NAV2: variants seen among roughly 807,000 people sequenced by gnomAD.
NAV2 encodes neuron navigator 2, also known as helicase, APC down-regulated 1.
In NAV2, 54 loss-of-function variants were observed where a neutral mutation model predicts 223.2. The ratio of observed to expected loss-of-function variants is 0.24; its 90% CI spans 0.19 to 0.30. NAV2 has a LOEUF of 0.30. Ranked by LOEUF, NAV2 falls within the 10% of genes least tolerant of loss-of-function variation. The probability of loss-of-function intolerance (pLI) is 1.00; values close to 1 mark genes in which losing one functional copy is unlikely to be tolerated. For missense variants in NAV2, 2,806 were observed against 3,147.5 expected (o/e 0.89, Z 2.60); for synonymous variants, 1,279 against 1,239.3 (o/e 1.03, Z -0.67).
Position 19,998,290 on chromosome 11 carries a change from C to T in NAV2, c.2768+14043C>T, listed in dbSNP as rs575079816. ...CTCTGCTTCTCTCTCTCCCTCTCTC[C>T]GCCCACCTCCCTCTCCTTCTCTCTC... On this transcript the variant is annotated intron_variant, in intron 11 of 37. Coordinates refer to ENST00000349880, the MANE Select transcript of NAV2 (RefSeq NM_145117.5). This position sits in a 1 kb window ranked among gnomAD's most constrained non-coding sequence, Gnocchi z 5.0. Among the ~76,000 whole-genome samples, 20 of 152,020 alleles carry T rather than the reference C, an allele frequency of 1.3e-4. No homozygotes were observed. Among genetic ancestry groups the T allele is most frequent in the Middle Eastern group, 3.4e-3 (1 of 294 alleles).
At position 19,875,024 on chromosome 11, in the gene NAV2, G is replaced by A. The variant is rs148999503; in HGVS notation, c.512-4845G>A. On this transcript the variant is annotated intron_variant, in intron 4 of 37. Transcript: ENST00000349880. ...ACAACAAAATTAGCCGGGCGTGGTG[G>A]CATGCACCTATAATCCCAGCTACTC... is the stretch of plus-strand genomic sequence containing the variant. 6.6e-3 allele frequency among the ~76,000 whole-genome samples: 1,001 copies of A among 152,238 alleles called. 12 individuals are homozygous for A. The highest frequency in any genetic ancestry group is 0.023 in the African/African-American group (959 of 41,506).
intron 1 of NAV2, among the ~76,000 whole-genome samples, chr11:19,418,107 T>G (rs947073241): frequency 1.3e-5 from 2 of 152,170 alleles, no homozygotes; most frequent in South Asian, 4.2e-4. Context: ...ATCTCAGAAC[T>G]CAAATTATGA....
At chr11:19,360,848 G>A (rs1853895979) in intron 1 of NAV2, among the ~76,000 whole-genome samples, 1 of 152,192 alleles carries the variant, frequency 6.6e-6, no homozygotes, top group Non-Finnish European at 1.5e-5. Flanking sequence ...TCCTCGCAAA[G>A]CTCAGTCCAA....
At chr11:19,428,614 G>A (rs1235051929) in intron 1 of NAV2, among the ~76,000 whole-genome samples, 1 of 152,180 alleles carries the variant, frequency 6.6e-6, no homozygotes, top group Admixed American at 6.5e-5. Context: ...ACTTGAATGC[G>A]AAATTTAATA....
At chr11:19,646,266 C>T (rs568506283) in intron 1 of NAV2, among the ~76,000 whole-genome samples, 3 of 152,326 alleles carry the variant, frequency 2.0e-5, no homozygotes, top group South Asian at 2.1e-4. Flanking sequence ...CAACATGCTT[C>T]GTGTTCTAAT....
intron 1 of NAV2, among the ~76,000 whole-genome samples, chr11:19,584,763 T>C (rs1419447755): frequency 6.6e-6 from 1 of 152,194 alleles, no homozygotes. Flanking sequence ...ATAATTTCTG[T>C]TCTTTTACAT....
At chr11:19,616,270 A>G (rs1315158121) in intron 1 of NAV2, among the ~76,000 whole-genome samples, 1 of 150,802 alleles carries the variant, frequency 6.6e-6, no homozygotes, top group Non-Finnish European at 1.5e-5. Flanking sequence ...ACCTCTCATT[A>G]TCAGTGTTCA....
intron 1 of NAV2, among the ~76,000 whole-genome samples, chr11:19,743,921 C>T (rs756465706): frequency 3.3e-5 from 5 of 152,192 alleles, no homozygotes; most frequent in Non-Finnish European, 7.4e-5. Context: ...AATGCTAAGC[C>T]CATCTCACAG....
chr11:19,979,793 T>G (rs1189521392), intron 10 of NAV2, among the ~76,000 whole-genome samples: 1 of 152,224 alleles, frequency 6.6e-6, no homozygotes, highest in African/African-American at 2.4e-5. Context: ...CACTGTCTCA[T>G]TTAACCTGCC....
intron 1 of NAV2, among the ~76,000 whole-genome samples, chr11:19,559,613 G>A (rs2045026850): frequency 6.6e-6 from 1 of 152,186 alleles, no homozygotes; most frequent in South Asian, 2.1e-4. Flanking sequence ...GGGTGGCTGA[G>A]GGTGGATGGC....
chr11:19,411,522 G>A (rs1850144277), intron 1 of NAV2, among the ~76,000 whole-genome samples: 2 of 152,200 alleles, frequency 1.3e-5, no homozygotes, highest in South Asian at 4.1e-4. Context: ...ATCTGGTTGT[G>A]TCCCATTTAT....
intron 3 of NAV2, among the ~76,000 whole-genome samples, chr11:19,863,105 T>A (rs1468792385): frequency 6.6e-6 from 1 of 152,124 alleles, no homozygotes; most frequent in African/African-American, 2.4e-5. Flanking sequence ...ATCCCCAACA[T>A]GAAACAGCCC....
chr11:19,345,599 C>T, the NAV2 span, among the ~76,000 whole-genome samples: 1 of 152,214 alleles, frequency 6.6e-6, no homozygotes, highest in Non-Finnish European at 1.5e-5. The surrounding 1 kb of genome is among the most constrained non-coding windows in gnomAD (Gnocchi z 5.2). Flanking sequence ...CGAGCGGACG[C>T]ATAGCCACCC....
In NAV2 at chr11:20,077,621, A is replaced by T. The variant is rs2059843366; in HGVS notation, c.5053A>T (p.Thr1685Ser). 1.2e-6 allele frequency: 2 copies of T among 1,613,892 alleles called. No homozygotes were observed. The highest frequency in any genetic ancestry group is 1.7e-6 in the Non-Finnish European group (2 of 1,179,856). ...MTIRLQSLTMTAEQKDSELNE... is the reference protein window; with the variant it reads ...MTIRLQSLTMSAEQKDSELNE... The stretch of plus-strand genomic sequence containing the variant: ...AATCAGGCTCCAGAGTCTGACCATG[A>T]CAGCTGAGCAGAAGGTAAGGCAGAA... The change falls in exon 23 of 38, where the codon ACA (threonine) becomes TCA (serine). Residue 1685 changes from threonine to serine, a missense_variant. This residue lies in a region of NAV2 where 824 missense variants were observed against 1,069.4 expected (regional missense o/e 0.77). Coordinates refer to ENST00000349880, the MANE Select transcript of NAV2 (RefSeq NM_145117.5).
At chr11:19,929,510 G>C (rs1253990017) in intron 6 of NAV2, among the ~76,000 whole-genome samples, 2 of 152,080 alleles carry the variant, frequency 1.3e-5, no homozygotes, top group East Asian at 3.9e-4. Flanking sequence ...TCCTGCTCTA[G>C]AAACCAAATT....
chr11:19,672,139 C>T (rs2048590072), intron 1 of NAV2, among the ~76,000 whole-genome samples: 1 of 152,152 alleles, frequency 6.6e-6, no homozygotes, highest in Admixed American at 6.5e-5. Flanking sequence ...CAGGGACCAG[C>T]ACTACATCTC....
intron 37 of NAV2, 42 bp from the exon 38 acceptor site, chr11:20,118,091 A>G (rs2063281452): frequency 6.2e-7 from 1 of 1,610,248 alleles, no homozygotes. Flanking sequence ...TGGGCGGCCA[A>G]CTAGACAGAA....
intron 1 of NAV2, among the ~76,000 whole-genome samples, chr11:19,604,074 G>A (rs994504822): frequency 1.3e-5 from 2 of 152,080 alleles, no homozygotes; most frequent in African/African-American, 4.8e-5. Flanking sequence ...CAGAGAGGCA[G>A]TGGGCTGTAT....
At chr11:20,012,623 C>T (rs562326189) in intron 11 of NAV2, among the ~76,000 whole-genome samples, 2 of 150,412 alleles carry the variant, frequency 1.3e-5, no homozygotes, top group African/African-American at 2.5e-5. Context: ...TGCAGTGAGC[C>T]GAGATTGTGC....
Sources: gnomAD v4.1 joint callset for allele counts (sites outside exome capture counted in the v4.1 genomes callset) on GRCh38, gnomAD v4.1.1 for gene constraint, gnomAD v4.1.1 regional missense constraint, Gnocchi (gnomAD v3.1) non-coding constraint, MANE v1.5 for transcripts, NCBI Gene and HGNC (gene_info 2026-07-23, HGNC 2026-07-21) for gene names.